The following STOX2 variants were observed in gnomAD, a reference collection of about 807,000 sequenced individuals.
The protein encoded by STOX2 is storkhead-box protein 2.
Under a neutral mutation model 60.9 loss-of-function variants are expected in STOX2, and 28 were observed. The observed-to-expected ratio is 0.46, with a 90% CI of 0.34 to 0.63. STOX2 has a LOEUF of 0.63. Among genes scored for constraint, STOX2 ranks in the 30% least tolerant of loss-of-function variants. STOX2 has a pLI of 0.01. For synonymous variants in STOX2, 472 were observed against 463.9 expected (o/e 1.02, Z -0.22); for missense variants, 1,024 against 1,187.7 (o/e 0.86, Z 2.03).
Position 183,877,269 on chromosome 4 carries a change from C to T in STOX2, c.364+79214C>T, listed in dbSNP as rs7686859. On this transcript the variant is annotated intron_variant, in intron 1 of 2. Coordinates refer to the STOX2 transcript ENST00000513034. Reference sequence around the variant, plus strand: ...AAAGCGTATGGTCTGGGGACCAGCACGTCAGCATCTCCTTTGAGCTCAAGA... The same window carrying T: ...AAAGCGTATGGTCTGGGGACCAGCATGTCAGCATCTCCTTTGAGCTCAAGA... 3.9e-5 allele frequency among the ~76,000 whole-genome samples: 6 copies of T among 152,090 alleles called. No individual in the cohort carries two copies. The South Asian group carries it at 6.2e-4, about 16-fold the overall frequency.
intron 1 of STOX2, among the ~76,000 whole-genome samples, chr4:183,918,934 T>C (rs1169535238): frequency 1.3e-5 from 2 of 152,208 alleles, no homozygotes; most frequent in Non-Finnish European, 2.9e-5. Context: ...CTGCCCACCT[T>C]CGCTGCATCT....
chr4:183,965,170 T>C (rs547602601), intron 1 of STOX2, among the ~76,000 whole-genome samples: 32 of 152,360 alleles, frequency 2.1e-4, no homozygotes, highest in African/African-American at 7.7e-4. Context: ...ATGTCCGTTT[T>C]CTTGGTGACA....
chr4:183,847,192 C>G (rs1352554433), intron 1 of STOX2, among the ~76,000 whole-genome samples: 1 of 152,300 alleles, frequency 6.6e-6, no homozygotes, highest in East Asian at 1.9e-4. Context: ...GAAAGTCAGG[C>G]AGAAGTGAGA....
At position 184,010,364 on chromosome 4, in the gene STOX2, C is replaced by G. The variant is rs774336146; in HGVS notation, c.1526C>G (p.Pro509Arg). 6.2e-7 allele frequency: 1 copy of G among 1,612,146 alleles called. No homozygotes were observed. Among genetic ancestry groups the G allele is most frequent in the African/African-American group, 1.3e-5 (1 of 74,878 alleles). The change falls in exon 3 of 4, where the codon CCG becomes CGG. Residue 509 changes from proline (P) to arginine (R), a missense_variant. Transcript: ENST00000308497. This position sits in a 1 kb window ranked among gnomAD's most constrained non-coding sequence, Gnocchi z 4.5. ...GPLGASSLGT[P>R]EDLAEGCSQD... is the part of the protein sequence containing the mutation. ...CTGGGTGCTTCTTCTCTAGGGACGCCGGAAGACCTTGCTGAAGGCTGCAGC... is the reference window on the plus strand; with the variant it reads ...CTGGGTGCTTCTTCTCTAGGGACGCGGGAAGACCTTGCTGAAGGCTGCAGC...
chr4:184,000,916 C>T (rs1024753040), intron 1 of STOX2, among the ~76,000 whole-genome samples: 3 of 152,190 alleles, frequency 2.0e-5, no homozygotes, highest in Admixed American at 6.5e-5. Flanking sequence ...CCAGCAGACA[C>T]GTAAACGCGT....
At chr4:183,818,311 C>T (rs2111107456) in intron 1 of STOX2, among the ~76,000 whole-genome samples, 1 of 152,090 alleles carries the variant, frequency 6.6e-6, no homozygotes, top group South Asian at 2.1e-4. Flanking sequence ...AACGAGCATG[C>T]TGCCTTCAAG....
intron 1 of STOX2, among the ~76,000 whole-genome samples, chr4:183,883,175 AT>A (rs1740995022): frequency 6.6e-6 from 1 of 151,982 alleles, no homozygotes; most frequent in Non-Finnish European, 1.5e-5. Context: ...CATCATATTA[AT>A]TCATCCATAA....
chr4:184,011,856 C>G lies in STOX2; in HGVS notation c.2585+433C>G, dbSNP rs1734188976. ...CTGATTGATGCTAAGATAGGGGTCC[C>G]TGTAGTGAAAATATAATAGCAGATC... On this transcript the variant is annotated intron_variant, in intron 3 of 3. Coordinates refer to ENST00000308497, the MANE Select transcript of STOX2 (RefSeq NM_020225.3). The surrounding 1 kb of genome is among the most constrained non-coding windows in gnomAD (Gnocchi z 4.4). 6.6e-6 allele frequency among the ~76,000 whole-genome samples: 1 copy of G among 152,092 alleles called. No homozygotes were observed. The highest frequency in any genetic ancestry group is 2.4e-5 in the African/African-American group (1 of 41,416).
chr4:183,807,480 G>GA (rs11451198), intron 1 of STOX2, among the ~76,000 whole-genome samples: 65,965 of 151,980 alleles, frequency 0.43, 14,851 homozygotes, highest in African/African-American at 0.53. Flanking sequence ...GAGCCTGCCC[G>GA]AGCCGCCAGG....
intron 1 of STOX2, among the ~76,000 whole-genome samples, chr4:183,934,914 G>A (rs1244549461): frequency 6.6e-6 from 1 of 152,228 alleles, no homozygotes; most frequent in Admixed American, 6.5e-5. Flanking sequence ...CGCTATGAAC[G>A]CACAAGCAGG....
At chr4:183,881,756 A>G (rs1366471119) in intron 1 of STOX2, among the ~76,000 whole-genome samples, 1 of 152,192 alleles carries the variant, frequency 6.6e-6, no homozygotes, top group Non-Finnish European at 1.5e-5. Context: ...ACTCAAGCCA[A>G]TTTCGTAGCA....
At chr4:183,798,191 CG>C in intron 1 of STOX2, 2 of 879,362 alleles carry the variant, frequency 2.3e-6, no homozygotes, top group Non-Finnish European at 3.0e-6. Context: ...GCGTCCCTGC[CG>C]GGGGAGGAGC....
intron 3 of STOX2, chr4:184,014,997 T>A (rs748863708): frequency 5.9e-5 from 9 of 152,220 alleles, no homozygotes; most frequent in Non-Finnish European, 1.3e-4. Context: ...ATACATGGAT[T>A]CTGAAGCGAA....
At chr4:183,968,968 G>A (rs954224858) in intron 1 of STOX2, among the ~76,000 whole-genome samples, 7 of 152,250 alleles carry the variant, frequency 4.6e-5, no homozygotes, top group African/African-American at 1.7e-4. Context: ...AGATTCTAGT[G>A]TAAAGTAATA....
At chr4:183,902,465 T>G (rs1485590837), upstream of STOX2, among the ~76,000 whole-genome samples, 2 of 152,210 alleles carry the variant, frequency 1.3e-5, no homozygotes, top group African/African-American at 4.8e-5. Flanking sequence ...ATCATTCATT[T>G]AATTCTAACT....
chr4:183,901,893 C>T (rs1741469369), upstream of STOX2, among the ~76,000 whole-genome samples: 1 of 152,146 alleles, frequency 6.6e-6, no homozygotes, highest in African/African-American at 2.4e-5. Flanking sequence ...ATTGTCTTTT[C>T]TCTGTTGACA....
intron 1 of STOX2, among the ~76,000 whole-genome samples, chr4:183,845,869 A>G (rs1367609188): frequency 4.6e-5 from 7 of 152,250 alleles, no homozygotes. Flanking sequence ...ACTGACTTTT[A>G]TATGTACTTA....
chr4:183,997,873 C>T (rs931690349), intron 1 of STOX2, among the ~76,000 whole-genome samples: 2 of 148,784 alleles, frequency 1.3e-5, no homozygotes, highest in East Asian at 3.9e-4. Context: ...AAGTAAATGC[C>T]ATTCAGACAC....
intron 1 of STOX2, among the ~76,000 whole-genome samples, chr4:183,940,277 G>A (rs1019913850): frequency 1.3e-5 from 2 of 152,182 alleles, no homozygotes; most frequent in Non-Finnish European, 2.9e-5. Flanking sequence ...CGTGCCTCAC[G>A]AATTTTTCCA....
Sources: gnomAD v4.1 joint callset for allele counts (sites outside exome capture counted in the v4.1 genomes callset) on GRCh38, gnomAD v4.1.1 for gene constraint, Gnocchi (gnomAD v3.1) non-coding constraint, MANE v1.5 for transcripts, NCBI Gene and HGNC (gene_info 2026-07-23, HGNC 2026-07-21) for gene names.